VPS13A: variants seen among roughly 807,000 people sequenced by gnomAD.
The protein encoded by VPS13A is intermembrane lipid transfer protein VPS13A.
Under a neutral mutation model 390.9 loss-of-function variants are expected in VPS13A, and 264 were observed. That is an observed-to-expected ratio of 0.68 (90% CI 0.61 to 0.75). VPS13A has a LOEUF of 0.75. VPS13A is among the 30% of genes least tolerant of loss of function. The pLI is 0.00. For synonymous variants in VPS13A, 1,231 were observed against 1,227.1 expected (o/e 1.00, Z -0.07); for missense variants, 3,409 against 3,733.9 (o/e 0.91, Z 2.27).
chr9:77,369,265 T>G, intron 62 of VPS13A, 34 bp from the exon 63 acceptor site: 1 of 1,479,620 alleles, frequency 6.8e-7, no homozygotes, highest in Non-Finnish European at 9.5e-7. Context: ...GATCTAATTA[T>G]CTGAATTGAT....
At chr9:77,360,240 A>T (rs1232594041) in intron 58 of VPS13A, among the ~76,000 whole-genome samples, 1 of 152,084 alleles carries the variant, frequency 6.6e-6, no homozygotes, top group Admixed American at 6.5e-5. Context: ...TTTTTATTAA[A>T]ATTTATTCAT....
intron 67 of VPS13A, among the ~76,000 whole-genome samples, chr9:77,371,816 C>G (rs1240819181): frequency 8.6e-6 from 1 of 116,156 alleles, no homozygotes; most frequent in Non-Finnish European, 1.8e-5. Context: ...CCTCCCCCCT[C>G]CCCCCACCCC....
intron 31 of VPS13A, among the ~76,000 whole-genome samples, chr9:77,291,659 C>G (rs1827672583): frequency 6.6e-6 from 1 of 152,114 alleles, no homozygotes; most frequent in Non-Finnish European, 1.5e-5. Flanking sequence ...ATTCTCTTTC[C>G]ACATTCTTAG....
chr9:77,189,998 G>T (rs1382809420), intron 1 of VPS13A, among the ~76,000 whole-genome samples: 1 of 152,124 alleles, frequency 6.6e-6, no homozygotes, highest in East Asian at 1.9e-4. Flanking sequence ...GAACCTTTGG[G>T]CAGAGACTAT....
Position 77,221,453 on chromosome 9 carries a change from A to G in VPS13A, c.1161+97A>G, listed in dbSNP as rs1169971433. ...CTCCCTACCTTTCATTCCAATTTTT[A>G]TTGACCTTTTCATCTCTTTTACTTA... On this transcript the variant is annotated intron_variant, in intron 13 of 71. Transcript: ENST00000360280. The G allele has an allele frequency of 2.9e-6, 4 of 1,356,584 alleles. No homozygotes were observed. In the African/African-American group the frequency reaches 4.4e-5, roughly 15 times the overall value. The allele number at this position is 1,356,584 out of a possible 1,614,324, so 84.0% of individuals were successfully genotyped here. A position where few individuals can be genotyped will look rare whatever the true frequency, so the allele number is the denominator to read the frequency against.
At position 77,221,275 on chromosome 9, in the gene VPS13A, A is replaced by G; in HGVS notation, c.1080A>G (p.Gln360=). The change falls in exon 13 of 72, where the codon CAA becomes CAG. Residue 360 remains glutamine, a synonymous_variant. Transcript: ENST00000360280. ...GGAAGCATATTAGAAAACATAGGCA[A>G]AAAGTGAAGCAATATAAAGAACTGT... The part of the protein sequence containing the change: ...WSWKHIRKHR[Q]KVKQYKELYK... 1 of 1,613,582 alleles carries G rather than the reference A, an allele frequency of 6.2e-7. No homozygotes were observed. Among genetic ancestry groups the G allele is most frequent in the Non-Finnish European group, 8.5e-7 (1 of 1,179,628 alleles).
At position 77,226,344 on chromosome 9, in the gene VPS13A, G is replaced by A. The variant is rs1012161785; in HGVS notation, c.1225-122G>A. 9.0e-5 allele frequency: 79 copies of A among 875,722 alleles called. No individual in the cohort carries two copies. In the Admixed American group the frequency reaches 1.6e-3, roughly 18 times the overall value. 54.2% of individuals were successfully genotyped at this position (875,722 alleles called of 1,614,324 possible). ...GCAGTTTCTGTGTTCTGTTATTAAT[G>A]TGTATATTGTTTACATTCATTTTGC... On this transcript the variant is annotated intron_variant, in intron 14 of 71. Transcript: ENST00000360280.
At chr9:77,355,056 T>C (rs766112092) in intron 54 of VPS13A, among the ~76,000 whole-genome samples, 1 of 152,134 alleles carries the variant, frequency 6.6e-6, no homozygotes, top group Non-Finnish European at 1.5e-5. Context: ...CATAAAAAAT[T>C]CTCTTGAGCC....
chr9:77,229,212 G>T (rs150346100), intron 17 of VPS13A, among the ~76,000 whole-genome samples: 1 of 151,912 alleles, frequency 6.6e-6, no homozygotes, highest in African/African-American at 2.4e-5. Context: ...CTGAGTAGCC[G>T]TGACTACAGG....
chr9:77,318,436 G>A lies in VPS13A; in HGVS notation c.5158G>A (p.Glu1720Lys), dbSNP rs1564724229. The A allele has an allele frequency of 2.5e-6, 4 of 1,613,838 alleles. No individual in the cohort carries two copies. Among genetic ancestry groups the A allele is most frequent in the Non-Finnish European group, 1.7e-6 (2 of 1,179,864 alleles). ...APTTELVPKG[E>K]MIKMNIDSIF... ...CACAACTGAATTGGTACCCAAAGGC[G>A]AGATGATAAAAATGAACATTGATTC... The change falls in exon 41 of 72, where the codon GAG (glutamate) becomes AAG (lysine). Residue 1720 changes from glutamate to lysine, a missense_variant. This residue lies in a region of VPS13A where 2,717 missense variants were observed against 2,917.4 expected (regional missense o/e 0.93). Coordinates refer to ENST00000360280, the MANE Select transcript of VPS13A (RefSeq NM_033305.3).
chr9:77,185,980 T>C (rs1824310041), intron 1 of VPS13A, among the ~76,000 whole-genome samples: 1 of 152,092 alleles, frequency 6.6e-6, no homozygotes, highest in African/African-American at 2.4e-5. Context: ...TACAAAAAAT[T>C]TGCTGAGCAT....
At chr9:77,356,619 T>A in intron 54 of VPS13A, 95 bp from the exon 55 acceptor site, 1 of 1,379,084 alleles carries the variant, frequency 7.3e-7, no homozygotes, top group Non-Finnish European at 1.0e-6. Context: ...GTTCTGAAAT[T>A]TTAGTGAAGG....
chr9:77,407,416 G>T, intron 70 of VPS13A, 117 bp from the exon 71 acceptor site: 1 of 769,954 alleles, frequency 1.3e-6, no homozygotes, highest in Non-Finnish European at 2.2e-6. Context: ...TTTTTAAGGT[G>T]CATGATTTGT....
intron 23 of VPS13A, among the ~76,000 whole-genome samples, chr9:77,264,575 A>G (rs1825929673): frequency 2.6e-5 from 4 of 152,138 alleles, no homozygotes. Context: ...ATGGGAGTTC[A>G]CTGATTATTT....
At chr9:77,397,510 T>G (rs996684665) in intron 68 of VPS13A, among the ~76,000 whole-genome samples, 1 of 152,182 alleles carries the variant, frequency 6.6e-6, no homozygotes, top group Non-Finnish European at 1.5e-5. Context: ...TTTTAGTGAT[T>G]TATTCCTATT....
intron 69 of VPS13A, among the ~76,000 whole-genome samples, chr9:77,405,046 T>TTCAA (rs1244558969): frequency 6.6e-6 from 1 of 152,184 alleles, no homozygotes; most frequent in African/African-American, 2.4e-5. Context: ...CAATTGATGT[T>TTCAA]TCAATCAGAA....
chr9:77,311,392 A>G (rs556700474), intron 35 of VPS13A, among the ~76,000 whole-genome samples: 29 of 152,360 alleles, frequency 1.9e-4, no homozygotes, highest in Admixed American at 1.4e-3. Flanking sequence ...ATATAGTAAC[A>G]TCATCACCCT....
chr9:77,295,516 A>G, intron 32 of VPS13A, 26 bp from the exon 33 acceptor site: 1 of 1,561,448 alleles, frequency 6.4e-7, no homozygotes, highest in Non-Finnish European at 8.7e-7. Flanking sequence ...TAATAACCTT[A>G]AGAATATAAT....
At chr9:77,196,355 G>A (rs1254419941) in intron 1 of VPS13A, among the ~76,000 whole-genome samples, 1 of 151,994 alleles carries the variant, frequency 6.6e-6, no homozygotes, top group Non-Finnish European at 1.5e-5. Context: ...CTTTCTTCTA[G>A]CTATGTTAAA....
Sources: gnomAD v4.1 joint callset for allele counts (sites outside exome capture counted in the v4.1 genomes callset) on GRCh38, gnomAD v4.1.1 for gene constraint, gnomAD v4.1.1 regional missense constraint, MANE v1.5 for transcripts, NCBI Gene and HGNC (gene_info 2026-07-23, HGNC 2026-07-21) for gene names.